DOCK8: variants seen among roughly 807,000 people sequenced by gnomAD.
DOCK8 encodes dedicator of cytokinesis protein 8.
In DOCK8, 141 loss-of-function variants were observed where a neutral mutation model predicts 245.6. That is an observed-to-expected ratio of 0.57 (90% CI 0.50 to 0.66). The LOEUF is 0.66. DOCK8 is among the 30% of genes least tolerant of loss of function. The pLI, the probability that DOCK8 is intolerant of heterozygous loss-of-function variation, is 0.00. For synonymous variants in DOCK8, 1,168 were observed against 970.2 expected, an observed-to-expected ratio of 1.20 and a Z score of -3.79; for missense variants, 2,965 against 2,603.4, an observed-to-expected ratio of 1.14 and a Z score of -3.02.
intron 26 of DOCK8, among the ~76,000 whole-genome samples, chr9:400,087 T>C (rs1252470036): frequency 1.5e-5 from 1 of 66,182 alleles, no homozygotes; most frequent in Admixed American, 1.7e-4. Context: ...CACCACCACC[T>C]CCACCATCAC....
rs10973266 is a variant in DOCK8 at position 382,399 on chromosome 9, A to G, written c.2606-114A>G. On this transcript the variant is annotated intron_variant, in intron 21 of 47. Transcript: ENST00000432829. The stretch of plus-strand genomic sequence containing the variant: ...GATTTGTTAAGAAGTCTCTAATTCC[A>G]AGGCCTAATCCGGTGGCTTTTCATC... The G allele has an allele frequency of 0.017, 24,168 of 1,443,118 alleles. 696 individuals are homozygous for G. Among genetic ancestry groups the G allele is most frequent in the African/African-American group, 0.13 (9,039 of 71,608 alleles). 89.4% of individuals were successfully genotyped at this position (1,443,118 alleles called of 1,614,324 possible).
chr9:437,595 T>G (rs1358329497), intron 39 of DOCK8, among the ~76,000 whole-genome samples: 2 of 152,246 alleles, frequency 1.3e-5, no homozygotes, highest in African/African-American at 4.8e-5. Flanking sequence ...TAGACAGCAT[T>G]AACAACAGAT....
intron 27 of DOCK8, among the ~76,000 whole-genome samples, chr9:405,929 A>C (rs1477371537): frequency 6.6e-6 from 1 of 152,112 alleles, no homozygotes; most frequent in Non-Finnish European, 1.5e-5. Context: ...AAGTCCTAAA[A>C]CTTCCCTGGA....
At chr9:288,216 T>C (rs1178451578) in intron 3 of DOCK8, among the ~76,000 whole-genome samples, 1 of 152,216 alleles carries the variant, frequency 6.6e-6, no homozygotes, top group Non-Finnish European at 1.5e-5. Flanking sequence ...AAAAGTCTTC[T>C]GTATAATTAA....
At chr9:271,782 A>C in intron 2 of DOCK8, 53 bp downstream of exon 2, 1 of 1,312,648 alleles carries the variant, frequency 7.6e-7, no homozygotes. Context: ...AAAAGTGCCC[A>C]GGGTATGTGT....
chr9:240,467 C>A (rs1438269033), intron 1 of DOCK8, among the ~76,000 whole-genome samples: 1 of 151,664 alleles, frequency 6.6e-6, no homozygotes, highest in Admixed American at 6.6e-5. Context: ...TCCAGCTATA[C>A]CCAACAGGTA....
chr9:420,614 G>C (rs150665131), intron 31 of DOCK8, 31 bp downstream of exon 31: 7 of 1,612,646 alleles, frequency 4.3e-6, no homozygotes, highest in East Asian at 2.2e-5. Flanking sequence ...CTTTATACCA[G>C]CTCTTATCTC....
intron 1 of DOCK8, among the ~76,000 whole-genome samples, chr9:221,587 G>A (rs1392276593): frequency 6.6e-6 from 1 of 151,664 alleles, no homozygotes; most frequent in East Asian, 1.9e-4. Flanking sequence ...CAAGGTGAGT[G>A]GATCACTTGA....
intron 23 of DOCK8, 26 bp downstream of exon 23, chr9:386,452 C>T (rs775342141): frequency 6.3e-7 from 1 of 1,594,702 alleles, no homozygotes; most frequent in South Asian, 1.1e-5. Flanking sequence ...ATGTGAGGTT[C>T]ATCCCAGGAT....
At chr9:336,460 C>G (rs2051316192) in intron 11 of DOCK8, 122 bp from the exon 12 acceptor site, 1 of 1,339,982 alleles carries the variant, frequency 7.5e-7, no homozygotes, top group Non-Finnish European at 1.1e-6. Context: ...TCATTCAAAA[C>G]AAGGATGGCC....
chr9:254,638 A>G (rs2047726425), intron 1 of DOCK8, among the ~76,000 whole-genome samples: 1 of 152,144 alleles, frequency 6.6e-6, no homozygotes, highest in African/African-American at 2.4e-5. Context: ...TGGATAAATC[A>G]TTTCCCTGCA....
intron 28 of DOCK8, among the ~76,000 whole-genome samples, chr9:410,675 G>T (rs998406253): frequency 1.3e-5 from 2 of 152,144 alleles, no homozygotes; most frequent in Non-Finnish European, 2.9e-5. Flanking sequence ...AGGAAAAGAA[G>T]AGCAAACAAG....
rs1486907727 is a variant in DOCK8, at chr9:464,325, C to G, written c.*106C>G. On this transcript the variant is annotated 3_prime_UTR_variant, in exon 48 of 48. Transcript: ENST00000432829. ...TGCCACCCAGGACTGACTGTACACT[C>G]CCTGATCAGCCAGCACTCTGGAAGC... 2 of 932,516 alleles carry G rather than the reference C, an allele frequency of 2.1e-6. No homozygotes were observed. The highest frequency in any genetic ancestry group is 3.6e-6 in the Non-Finnish European group (2 of 561,474). 57.8% of individuals were successfully genotyped at this position (932,516 alleles called of 1,614,324 possible).
chr9:221,505 A>G (rs1463200621), intron 1 of DOCK8, among the ~76,000 whole-genome samples: 1 of 152,176 alleles, frequency 6.6e-6, no homozygotes, highest in Admixed American at 6.5e-5. Context: ...TAAATAATCT[A>G]GAGATGATTT....
intron 14 of DOCK8, among the ~76,000 whole-genome samples, chr9:355,116 T>G (rs1177205885): frequency 6.6e-6 from 1 of 151,642 alleles, no homozygotes; most frequent in Non-Finnish European, 1.5e-5. Context: ...GGAGGGCAGG[T>G]TAATTTTGTG....
intron 26 of DOCK8, 84 bp downstream of exon 26, chr9:399,343 G>A (rs544313464): frequency 9.9e-7 from 1 of 1,012,484 alleles, no homozygotes. Context: ...ATGGCACGCT[G>A]TCTTCTTCAT....
At chr9:369,021 G>T (rs2053159809) in intron 15 of DOCK8, 1 of 151,802 alleles carries the variant, frequency 6.6e-6, no homozygotes, top group South Asian at 2.1e-4. Context: ...GGCCAGGGTG[G>T]TCTCAAACTC....
chr9:232,013 TATG>T (rs2047129135), intron 1 of DOCK8, among the ~76,000 whole-genome samples: 4 of 152,202 alleles, frequency 2.6e-5, no homozygotes, highest in Admixed American at 2.6e-4. Context: ...GCCCATTCAA[TATG>T]ATATTGGCTG....
At chr9:214,765 G>A (rs921723609), upstream of DOCK8, 3 of 1,539,756 alleles carry the variant, frequency 1.9e-6, no homozygotes, top group African/African-American at 4.3e-5. Flanking sequence ...TGCGCGCCAG[G>A]CCGGGTGGCG....
Sources: allele counts gnomAD v4.1 joint callset (sites outside exome capture counted in the v4.1 genomes callset), GRCh38; gene constraint gnomAD v4.1.1; transcripts MANE v1.5; gene names NCBI Gene and HGNC (gene_info 2026-07-23, HGNC 2026-07-21).